MALRD1: variants seen among roughly 807,000 people sequenced by gnomAD.
MALRD1 encodes the protein MAM and LDL receptor class A domain containing 1, also known as MAM and LDL-receptor class A domain-containing protein 1.
In MALRD1, 247 loss-of-function variants were observed where a neutral mutation model predicts 242.1. The observed-to-expected ratio is 1.02, with a 90% CI of 0.92 to 1.13. The LOEUF (loss-of-function observed/expected upper bound fraction) is 1.13. Ranked by LOEUF, MALRD1 falls within the 50% of genes most tolerant of loss-of-function variation. The pLI is 0.00. For missense variants in MALRD1, 2,989 were observed against 2,533.1 expected (o/e 1.18, Z -3.86); for synonymous variants, 995 against 866.6 (o/e 1.15, Z -2.60).
At chr10:19,324,148 A>C in intron 22 of MALRD1, 43 bp downstream of exon 22, 2 of 1,520,676 alleles carry the variant, frequency 1.3e-6, no homozygotes, top group South Asian at 2.4e-5. Context: ...TCTCTCTAAA[A>C]GTTCACAGTG....
chr10:19,137,272 G>T (rs1277003764), intron 10 of MALRD1, among the ~76,000 whole-genome samples: 3 of 151,874 alleles, frequency 2.0e-5, no homozygotes, highest in African/African-American at 7.3e-5. Flanking sequence ...CATCATGGCT[G>T]CCCTGGAGGA....
intron 10 of MALRD1, among the ~76,000 whole-genome samples, chr10:19,142,827 T>C (rs1833599392): frequency 6.6e-6 from 1 of 152,242 alleles, no homozygotes; most frequent in Non-Finnish European, 1.5e-5. Context: ...CTTCAGATAT[T>C]TATAAGTTCA....
Position 19,531,056 on chromosome 10 carries a change from A to T in MALRD1, c.5321-138A>T, listed in dbSNP as rs375521097. On this transcript the variant is annotated intron_variant, in intron 31 of 39. Transcript: ENST00000454679. The stretch of plus-strand genomic sequence containing the variant: ...AAGAATGAAATGTTATTGATATATG[A>T]CTCCCAAAATCAAAATGAGTTCTGT... 5.5e-5 allele frequency: 37 copies of T among 669,566 alleles called. No homozygotes were observed. The African/African-American group carries it at 6.4e-4, about 12-fold the overall frequency. The allele number at this position is 669,566 out of a possible 1,614,324, so 41.5% of individuals were successfully genotyped here.
At chr10:19,607,633 A>G in intron 34 of MALRD1, 144 bp from the exon 35 acceptor site, 3 of 1,170,644 alleles carry the variant, frequency 2.6e-6, no homozygotes, top group South Asian at 3.9e-5. Context: ...ATATTCTTCA[A>G]AAAGAACTGT....
chr10:19,466,034 G>T (rs1836202541), intron 29 of MALRD1, among the ~76,000 whole-genome samples: 1 of 152,116 alleles, frequency 6.6e-6, no homozygotes, highest in South Asian at 2.1e-4. Context: ...AGATGAAATT[G>T]TAGATTGTTT....
chr10:19,165,786 G>A lies in MALRD1; in HGVS notation c.1806G>A (p.Ala602=), dbSNP rs78786296. 75,125 of 1,231,356 alleles carry A rather than the reference G, an allele frequency of 0.061. 2,448 individuals are homozygous for A. Among genetic ancestry groups the A allele is most frequent in the Middle Eastern group, 0.075 (239 of 3,208 alleles). The allele number at this position is 1,231,356 out of a possible 1,614,324, so 76.3% of individuals were successfully genotyped here. Residue 602 remains alanine (A), a synonymous_variant, in exon 13 of 40, where the codon GCG becomes GCA. Transcript: ENST00000454679. ...SHAKIDLIAE[A]GESTLPFQLI... is the part of the protein sequence containing the mutation. ...CAAAAATTGATCTCATTGCAGAAGC[G>A]GGAGAATCTACTCTACCTTTTCAGG...
chr10:19,261,263 G>A (rs28733910), intron 19 of MALRD1, among the ~76,000 whole-genome samples: 12,883 of 151,934 alleles, frequency 0.085, 738 homozygotes, highest in African/African-American at 0.16. Context: ...TTTCTGTTTC[G>A]AGTTTTGGAA....
intron 32 of MALRD1, among the ~76,000 whole-genome samples, chr10:19,545,915 G>A (rs1835186829): frequency 6.6e-6 from 1 of 152,034 alleles, no homozygotes; most frequent in African/African-American, 2.4e-5. Flanking sequence ...TATCTGTGAG[G>A]CTTTTATTTT....
intron 36 of MALRD1, among the ~76,000 whole-genome samples, chr10:19,620,980 A>C (rs1185979725): frequency 6.6e-6 from 1 of 150,968 alleles, no homozygotes; most frequent in Non-Finnish European, 1.5e-5. Flanking sequence ...TCCAGTTTAT[A>C]GGATAGAGCA....
intron 21 of MALRD1, among the ~76,000 whole-genome samples, chr10:19,315,099 T>C (rs1323684838): frequency 7.1e-6 from 1 of 140,490 alleles, no homozygotes; most frequent in Non-Finnish European, 1.5e-5. Flanking sequence ...TATGTAAATA[T>C]AATTTATAGA....
At chr10:19,459,333 G>A (rs536966038) in intron 29 of MALRD1, among the ~76,000 whole-genome samples, 1 of 152,248 alleles carries the variant, frequency 6.6e-6, no homozygotes, top group East Asian at 1.9e-4. Flanking sequence ...ACGAAGAGGT[G>A]GAGATAGTCT....
intron 14 of MALRD1, among the ~76,000 whole-genome samples, chr10:19,176,342 C>G (rs1262876602): frequency 7.0e-6 from 1 of 142,276 alleles, no homozygotes; most frequent in Non-Finnish European, 1.5e-5. Context: ...ATTTTTCATT[C>G]GAGAGAGTGT....
chr10:19,206,569 C>T (rs1022249011), intron 17 of MALRD1, among the ~76,000 whole-genome samples: 5 of 152,074 alleles, frequency 3.3e-5, no homozygotes, highest in Admixed American at 6.6e-5. Context: ...TGTGATAATG[C>T]GAGTACAACT....
chr10:19,473,347 C>T (rs1354279011), intron 29 of MALRD1, among the ~76,000 whole-genome samples: 2 of 151,874 alleles, frequency 1.3e-5, no homozygotes, highest in Non-Finnish European at 2.9e-5. Context: ...AAACTACCAT[C>T]TTAATCATTG....
chr10:19,062,154 A>G (rs897380864), intron 1 of MALRD1, among the ~76,000 whole-genome samples: 10 of 152,202 alleles, frequency 6.6e-5, no homozygotes. Flanking sequence ...AATGTCCAAT[A>G]AGCACATGAA....
chr10:19,450,662 C>T (rs1443810857), intron 29 of MALRD1, among the ~76,000 whole-genome samples, 172 bp downstream of exon 29: 2 of 152,072 alleles, frequency 1.3e-5, no homozygotes, highest in African/African-American at 2.4e-5. Flanking sequence ...TGAGATAATA[C>T]CTATCTTAGT....
chr10:19,118,778 G>A (rs1426886079), intron 5 of MALRD1, among the ~76,000 whole-genome samples: 1 of 152,188 alleles, frequency 6.6e-6, no homozygotes, highest in African/African-American at 2.4e-5. Flanking sequence ...CATTCAGATG[G>A]TTGGGGCTTA....
At chr10:19,320,041 C>CTTTTTTTTTTTTTTTTTTTTTTTTATTTT (rs34481531) in intron 21 of MALRD1, among the ~76,000 whole-genome samples, 1 of 73,070 alleles carries the variant, frequency 1.4e-5, no homozygotes, top group Non-Finnish European at 2.4e-5. Flanking sequence ...TATAAAACTG[C>CTTTTTTTTTTTTTTTTTTTTTTTTATTTT]TTTTTTTTTT....
intron 28 of MALRD1, among the ~76,000 whole-genome samples, chr10:19,395,291 A>G (rs776258954): frequency 1.4e-4 from 22 of 152,202 alleles, no homozygotes; most frequent in Non-Finnish European, 2.8e-4. Flanking sequence ...CATGTGCCCA[A>G]GGTGGTCCGA....
Sources: allele counts gnomAD v4.1 joint callset (sites outside exome capture counted in the v4.1 genomes callset), GRCh38; gene constraint gnomAD v4.1.1; transcripts MANE v1.5; gene names NCBI Gene and HGNC (gene_info 2026-07-23, HGNC 2026-07-21).